Variants in ANKRD17 observed in about 807,000 individuals in gnomAD.
ANKRD17 encodes the protein ankyrin repeat domain-containing protein 17.
Under a neutral mutation model 229.7 loss-of-function variants are expected in ANKRD17, and 19 were observed. That is an observed-to-expected ratio of 0.08 (90% confidence interval 0.06 to 0.12). ANKRD17 has a LOEUF of 0.12. Among genes scored for constraint, ANKRD17 ranks in the 10% least tolerant of loss-of-function variants. ANKRD17 has a pLI of 1.00. For missense variants in ANKRD17, 2,176 were observed against 3,176.8 expected, an observed-to-expected ratio of 0.68 and a Z score of 7.57; for synonymous variants, 1,112 against 1,146.1, an observed-to-expected ratio of 0.97 and a Z score of 0.60.
intron 1 of ANKRD17, among the ~76,000 whole-genome samples, chr4:73,179,830 A>G (rs187171648): frequency 2.6e-5 from 4 of 152,126 alleles, no homozygotes; most frequent in African/African-American, 7.2e-5. Flanking sequence ...AAGGCTGACT[A>G]AAGTATTATA....
intron 6 of ANKRD17, among the ~76,000 whole-genome samples, chr4:73,152,097 C>T (rs550343823): frequency 5.3e-5 from 8 of 151,898 alleles, no homozygotes; most frequent in African/African-American, 1.9e-4. Context: ...AAACCATATG[C>T]TTCAGTTCAT....
At chr4:73,120,076 T>G in intron 21 of ANKRD17, 86 bp downstream of exon 21, 5 of 1,409,122 alleles carry the variant, frequency 3.5e-6, no homozygotes, top group Non-Finnish European at 5.0e-6. Flanking sequence ...TCACATTTGA[T>G]TTTTTAAATA....
At chr4:73,124,783 G>A (rs1436936699) in intron 18 of ANKRD17, 130 bp downstream of exon 18, 1 of 1,153,458 alleles carries the variant, frequency 8.7e-7, no homozygotes, top group Non-Finnish European at 1.2e-6. Context: ...TTTGTTAATA[G>A]ATAATAGTTT....
chr4:73,094,364 T>C (rs1723078978), intron 27 of ANKRD17, 136 bp from the exon 28 acceptor site: 9 of 782,290 alleles, frequency 1.2e-5, no homozygotes, highest in Admixed American at 2.8e-5. Flanking sequence ...TTCTATTTAC[T>C]CTTACTCTAG....
In ANKRD17 at chr4:73,075,955, A is replaced by C. The variant is rs980411532; in HGVS notation, c.*276T>G. 6.6e-6 allele frequency: 2 copies of C among 302,466 alleles called. No individual in the cohort carries two copies. Among genetic ancestry groups the C allele is most frequent in the Non-Finnish European group, 1.2e-5 (2 of 164,034 alleles). 18.7% of individuals were successfully genotyped at this position (302,466 alleles called of 1,614,324 possible). ...TACTAAAACCAACCAGCCAAAGAAC[A>C]GCTTCAACAGAAAGTTATGTCCAAA... is the stretch of plus-strand genomic sequence containing the variant. On this transcript the variant is annotated 3_prime_UTR_variant, in exon 34 of 34. Transcript: ENST00000358602.
Position 73,157,923 on chromosome 4 carries a change from A to G in ANKRD17, c.705-1757T>C, listed in dbSNP as rs979685467. The stretch of plus-strand genomic sequence containing the variant: ...GCTAACACGGTGAAACCCTGTCTCT[A>G]CTAAAAATACAAAAAAAAATTAGCC... On this transcript the variant is annotated intron_variant, in intron 3 of 33. Transcript: ENST00000358602. Among the ~76,000 whole-genome samples, 5 of 151,930 alleles carry G rather than the reference A, an allele frequency of 3.3e-5. No homozygotes were observed. In the East Asian group the frequency reaches 7.7e-4, roughly 24 times the overall value.
At chr4:73,236,020 T>C (rs1373418527) in intron 1 of ANKRD17, among the ~76,000 whole-genome samples, 1 of 152,126 alleles carries the variant, frequency 6.6e-6, no homozygotes, top group Non-Finnish European at 1.5e-5. Context: ...TAAAATTTTC[T>C]AGCAAATTAT....
intron 31 of ANKRD17, 148 bp from the exon 32 acceptor site, chr4:73,077,681 G>GT (rs1721132525): frequency 1.4e-6 from 1 of 692,132 alleles, no homozygotes. Context: ...TATTTCCATG[G>GT]TTTGTAAGTA....
chr4:73,127,090 A>G (rs1727571100), intron 16 of ANKRD17, among the ~76,000 whole-genome samples: 1 of 152,182 alleles, frequency 6.6e-6, no homozygotes, highest in South Asian at 2.1e-4. Flanking sequence ...TCGACTGCAC[A>G]TTTAATTAAA....
chr4:73,161,945 T>G (rs1732578513), intron 2 of ANKRD17, among the ~76,000 whole-genome samples: 1 of 152,022 alleles, frequency 6.6e-6, no homozygotes, highest in Non-Finnish European at 1.5e-5. Context: ...GGCATGATCA[T>G]AGCTCACTGC....
Position 73,076,980 on chromosome 4 carries a change from T to C in ANKRD17, c.7712A>G (p.Lys2571Arg). The part of the protein sequence containing the change: ...AADPSWNSLI[K>R]MVSSSTENNG... ...ATTTTCCGTGGAGCTGGAAACCATC[T>C]TTATCAGTGAGTTCCAAGAAGGGTC... Residue 2571 changes from lysine to arginine, a missense_variant, in exon 33 of 34, where the codon AAG becomes AGG. Transcript: ENST00000358602. The C allele has an allele frequency of 6.2e-7, 1 of 1,613,220 alleles. No homozygotes were observed. The highest frequency in any genetic ancestry group is 8.5e-7 in the Non-Finnish European group (1 of 1,179,612).
At chr4:73,107,553 G>C (rs578138736) in intron 24 of ANKRD17, among the ~76,000 whole-genome samples, 66 of 152,306 alleles carry the variant, frequency 4.3e-4, no homozygotes, top group African/African-American at 1.5e-3. Context: ...AAAAATGTGT[G>C]TATGGAGACA....
chr4:73,155,599 T>A (rs185433558), intron 5 of ANKRD17, 32 bp downstream of exon 5: 13 of 1,609,916 alleles, frequency 8.1e-6, no homozygotes, highest in Non-Finnish European at 1.0e-5. Context: ...GATGTTACTA[T>A]GTAGTAAAAC....
chr4:73,199,221 C>CTGTGTGTGTGTGTGTGTG (rs10577503), intron 1 of ANKRD17, among the ~76,000 whole-genome samples: 5 of 140,394 alleles, frequency 3.6e-5, no homozygotes, highest in East Asian at 2.1e-4. Flanking sequence ...TACAGTTTGG[C>CTGTGTGTGTGTGTGTGTG]TGTGTGTGTG....
At position 73,125,246 on chromosome 4, in the gene ANKRD17, T is replaced by C. The variant is rs373817148; in HGVS notation, c.3301A>G (p.Thr1101Ala). 6.2e-7 allele frequency: 1 copy of C among 1,613,998 alleles called. No individual in the cohort carries two copies. Among genetic ancestry groups the C allele is most frequent in the Non-Finnish European group, 8.5e-7 (1 of 1,179,992 alleles). Residue 1101 changes from threonine to alanine, a missense_variant, in exon 17 of 34, where the codon ACA becomes GCA. Transcript: ENST00000358602. ...ATACTAGCTCCTCTCTCTAGCAGTG[T>C]TTGTACCAGTTCCTCGTGGCCACCA... ...CAGGHEELVQ[T>A]LLERGASIEH...
At chr4:73,168,076 C>G (rs1174768501) in intron 2 of ANKRD17, among the ~76,000 whole-genome samples, 1 of 151,728 alleles carries the variant, frequency 6.6e-6, no homozygotes, top group Non-Finnish European at 1.5e-5. Flanking sequence ...TGCCATGAAC[C>G]CGGGAGGCGG....
chr4:73,123,250 T>C (rs1726996152), intron 18 of ANKRD17, among the ~76,000 whole-genome samples: 1 of 152,078 alleles, frequency 6.6e-6, no homozygotes, highest in Non-Finnish European at 1.5e-5. Flanking sequence ...TAAATAATGA[T>C]TGAAAGGCAA....
chr4:73,134,987 A>G, intron 16 of ANKRD17, 130 bp downstream of exon 16: 1 of 879,046 alleles, frequency 1.1e-6, no homozygotes, highest in Non-Finnish European at 1.6e-6. Flanking sequence ...ACTTTAATTA[A>G]TTTAAAACTG....
Position 73,144,925 on chromosome 4 carries a change from T to A in ANKRD17, c.1870-93A>T, listed in dbSNP as rs566586045. 5.4e-6 allele frequency: 4 copies of A among 737,744 alleles called. No individual in the cohort carries two copies. In the Admixed American group the frequency reaches 1.4e-4, roughly 25 times the overall value. The allele number at this position is 737,744 out of a possible 1,614,324, so 45.7% of individuals were successfully genotyped here. A position where few individuals can be genotyped will look rare whatever the true frequency, so the allele number is the denominator to read the frequency against. ...ATCAAAAGGAAAATAATTGGACTGA[T>A]TTCTGAATCTAAATATTTAAATATA... On this transcript the variant is annotated intron_variant, in intron 10 of 33. Transcript: ENST00000358602.
Sources: gnomAD v4.1 joint callset for allele counts (sites outside exome capture counted in the v4.1 genomes callset) on GRCh38, gnomAD v4.1.1 for gene constraint, MANE v1.5 for transcripts, NCBI Gene and HGNC (gene_info 2026-07-23, HGNC 2026-07-21) for gene names.